The following PARD3B variants were observed in gnomAD, a reference collection of about 807,000 sequenced individuals.
PARD3B encodes partitioning defective 3 homolog B.
A neutral mutation model predicts 130.2 loss-of-function variants in PARD3B; 103 were observed. The observed-to-expected ratio is 0.79, with a 90% CI of 0.67 to 0.93. The LOEUF is 0.93. PARD3B is among the 40% of genes least tolerant of loss of function. The pLI, the probability that PARD3B is intolerant of heterozygous loss-of-function variation, is 0.00. For synonymous variants in PARD3B, 583 were observed against 553.2 expected (o/e 1.05, Z -0.76); for missense variants, 1,609 against 1,499.2 (o/e 1.07, Z -1.21).
intron 1 of PARD3B, among the ~76,000 whole-genome samples, chr2:204,563,866 C>T (rs889377748): frequency 4.6e-5 from 7 of 152,114 alleles, no homozygotes; most frequent in Non-Finnish European, 7.3e-5. Flanking sequence ...ATCCACCTCC[C>T]GGGTTCACGC....
intron 22 of PARD3B, among the ~76,000 whole-genome samples, chr2:205,583,599 A>G (rs1230069987): frequency 2.0e-5 from 3 of 152,150 alleles, no homozygotes; most frequent in Admixed American, 1.3e-4. Context: ...CCACATCCCT[A>G]TTATGTTGGT....
chr2:205,460,937 G>A lies in PARD3B; in HGVS notation c.3044+20265G>A, dbSNP rs994104209. Among the ~76,000 whole-genome samples, 32 of 152,136 alleles carry A rather than the reference G, an allele frequency of 2.1e-4. No homozygotes were observed. The highest frequency in any genetic ancestry group is 4.6e-4 in the Non-Finnish European group (31 of 68,022). Reference sequence around the variant, plus strand: ...ACAGAAACCACTGATGATGTATTCTGTACCAGCTTAGCCTCCAGTCCAGGG... The same window carrying A: ...ACAGAAACCACTGATGATGTATTCTATACCAGCTTAGCCTCCAGTCCAGGG... On this transcript the variant is annotated intron_variant, in intron 20 of 22. Coordinates refer to ENST00000406610, the MANE Select transcript of PARD3B (RefSeq NM_001302769.2). The surrounding 1 kb of genome is among the most constrained non-coding windows in gnomAD (Gnocchi z 4.9).
At chr2:204,995,281 G>C (rs1283020353) in intron 3 of PARD3B, among the ~76,000 whole-genome samples, 1 of 151,612 alleles carries the variant, frequency 6.6e-6, no homozygotes, top group East Asian at 1.9e-4. Context: ...GCCTTGTGGT[G>C]ACAAAATCTC....
At chr2:204,766,749 T>C (rs980438024) in intron 2 of PARD3B, among the ~76,000 whole-genome samples, 5 of 151,704 alleles carry the variant, frequency 3.3e-5, no homozygotes, top group South Asian at 2.1e-4. Flanking sequence ...AACTTTGTTA[T>C]GCTTTGCAAA....
chr2:205,382,480 G>A (rs887309099), intron 18 of PARD3B, among the ~76,000 whole-genome samples: 52 of 151,952 alleles, frequency 3.4e-4, no homozygotes, highest in African/African-American at 1.2e-3. Context: ...ATGAAGTTAC[G>A]ATTTTTCCCT....
At chr2:205,339,849 C>T (rs1056947906) in intron 18 of PARD3B, among the ~76,000 whole-genome samples, 9 of 152,088 alleles carry the variant, frequency 5.9e-5, no homozygotes, top group Admixed American at 3.9e-4. Flanking sequence ...GAAGAGAAAA[C>T]AGGAGAGCTA....
intron 20 of PARD3B, among the ~76,000 whole-genome samples, chr2:205,483,870 GA>G (rs973950688): frequency 2.0e-5 from 3 of 152,092 alleles, no homozygotes; most frequent in Admixed American, 6.5e-5. Flanking sequence ...TTTACACTTG[GA>G]AAAGAGATTA....
chr2:204,984,129 T>C (rs2125219496), intron 3 of PARD3B, among the ~76,000 whole-genome samples: 1 of 152,034 alleles, frequency 6.6e-6, no homozygotes, highest in Non-Finnish European at 1.5e-5. Context: ...CAAAATTATA[T>C]ATATATTTAA....
chr2:205,504,307 C>G (rs2050267834), intron 21 of PARD3B, among the ~76,000 whole-genome samples: 1 of 152,148 alleles, frequency 6.6e-6, no homozygotes, highest in African/African-American at 2.4e-5. Flanking sequence ...AAAACCTAGG[C>G]AATACCATTC....
intron 15 of PARD3B, among the ~76,000 whole-genome samples, chr2:205,227,151 C>T (rs1173702094): frequency 1.3e-5 from 2 of 151,884 alleles, no homozygotes; most frequent in Non-Finnish European, 2.9e-5. Flanking sequence ...AATGTGTATT[C>T]TGCAGCCATT....
intron 2 of PARD3B, among the ~76,000 whole-genome samples, chr2:204,721,622 C>T (rs1006209528): frequency 3.9e-5 from 6 of 151,990 alleles, no homozygotes; most frequent in African/African-American, 7.2e-5. Context: ...CAGCATTTTT[C>T]GTGGTGTCAA....
chr2:205,045,112 GTTT>G (rs201589277), intron 3 of PARD3B, among the ~76,000 whole-genome samples: 1 of 138,584 alleles, frequency 7.2e-6, no homozygotes, highest in Non-Finnish European at 1.6e-5. Context: ...CCATCTTAAA[GTTT>G]TTTTTTTTTT....
intron 21 of PARD3B, among the ~76,000 whole-genome samples, chr2:205,531,475 T>C (rs1041836528): frequency 2.0e-5 from 3 of 152,188 alleles, no homozygotes; most frequent in African/African-American, 7.2e-5. Flanking sequence ...TCCTGTCATA[T>C]TGCATTTATT....
intron 20 of PARD3B, among the ~76,000 whole-genome samples, chr2:205,496,722 G>A (rs1051010022): frequency 2.0e-5 from 3 of 152,008 alleles, no homozygotes; most frequent in African/African-American, 7.2e-5. Flanking sequence ...TAGGCATATG[G>A]AAGAATAGTT....
intron 18 of PARD3B, among the ~76,000 whole-genome samples, chr2:205,362,484 G>C (rs1163595865): frequency 6.6e-6 from 1 of 152,158 alleles, no homozygotes; most frequent in Non-Finnish European, 1.5e-5. Flanking sequence ...TGTGTGTTCT[G>C]TTCCTTGGAG....
chr2:204,854,282 A>G (rs535209168), intron 2 of PARD3B, among the ~76,000 whole-genome samples: 63 of 152,204 alleles, frequency 4.1e-4, no homozygotes, highest in African/African-American at 1.4e-3. Context: ...TTCAGTAAGA[A>G]CTCAGGATTT....
intron 13 of PARD3B, among the ~76,000 whole-genome samples, chr2:205,181,608 G>T (rs1342252941): frequency 6.6e-6 from 1 of 152,224 alleles, no homozygotes; most frequent in Non-Finnish European, 1.5e-5. Flanking sequence ...ATTTGCAAAG[G>T]CAGGTGGCAA....
intron 1 of PARD3B, among the ~76,000 whole-genome samples, chr2:204,595,375 G>A (rs1446493007): frequency 6.6e-6 from 1 of 152,204 alleles, no homozygotes; most frequent in East Asian, 1.9e-4. Flanking sequence ...GTTTGGTCAG[G>A]GCTTTGACAA....
At chr2:204,726,779 T>G (rs1289061433) in intron 2 of PARD3B, among the ~76,000 whole-genome samples, 16 of 152,208 alleles carry the variant, frequency 1.1e-4, no homozygotes, top group Admixed American at 1.0e-3. Context: ...TCTTTTTAAC[T>G]TCACATGTCC....
Sources: gnomAD v4.1 joint callset for allele counts (sites outside exome capture counted in the v4.1 genomes callset) on GRCh38, gnomAD v4.1.1 for gene constraint, Gnocchi (gnomAD v3.1) non-coding constraint, MANE v1.5 for transcripts, NCBI Gene and HGNC (gene_info 2026-07-23, HGNC 2026-07-21) for gene names.